Variants in ATG101 observed in about 807,000 individuals in gnomAD.
The protein encoded by ATG101 is autophagy-related protein 101.
Under a neutral mutation model 16.7 loss-of-function variants are expected in ATG101, and 6 were observed. The observed-to-expected ratio is 0.36, with a 90% CI of 0.20 to 0.71. ATG101 has a LOEUF of 0.71. ATG101 is among the 30% of genes least tolerant of loss of function. The probability of loss-of-function intolerance (pLI) is 0.57; values close to 1 mark genes in which losing one functional copy is unlikely to be tolerated. For synonymous variants in ATG101, 108 were observed against 118.1 expected, an observed-to-expected ratio of 0.91 and a Z score of 0.56; for missense variants, 200 against 292.5, an observed-to-expected ratio of 0.68 and a Z score of 2.31.
chr12:52,068,206 C>T (rs1351477697), upstream of ATG101, among the ~76,000 whole-genome samples: 1 of 149,170 alleles, frequency 6.7e-6, no homozygotes, highest in Non-Finnish European at 1.5e-5. Flanking sequence ...GACACCACAC[C>T]TGGCTTTTTT....
Position 52,073,809 on chromosome 12 carries a change from G to C in ATG101, c.159G>C (p.Gln53His), listed in dbSNP as rs1357665714. 6.2e-7 allele frequency: 1 copy of C among 1,614,240 alleles called. No homozygotes were observed. Among genetic ancestry groups the C allele is most frequent in the South Asian group, 1.1e-5 (1 of 91,088 alleles). The change falls in exon 3 of 4, where the codon CAG (glutamine) becomes CAC (histidine). Residue 53 changes from glutamine (Q) to histidine (H), a missense_variant. Physicochemically the swap from Gln to His is conservative, Grantham distance 24 (BLOSUM62 0). Coordinates refer to ENST00000336854, the MANE Select transcript of ATG101 (RefSeq NM_021934.5). ...ACTCCATTGGCACCGTGGGCACCCA[G>C]GATGTTGACTGTGACTTCATCGACT... is the stretch of plus-strand genomic sequence containing the variant. ...GTYSIGTVGT[Q>H]DVDCDFIDFT...
chr12:52,067,753 A>AT (rs60759494), upstream of ATG101, among the ~76,000 whole-genome samples: 8,372 of 140,626 alleles, frequency 0.06, 303 homozygotes, highest in South Asian at 0.072. Flanking sequence ...AAGCTTGGCT[A>AT]TTTTTTTTTT....
intron 3 of ATG101, among the ~76,000 whole-genome samples, chr12:52,076,452 G>A (rs1319855462): frequency 2.6e-5 from 4 of 152,182 alleles, no homozygotes; most frequent in Non-Finnish European, 4.4e-5. Context: ...TGGGGTTGTT[G>A]GGAGGAGCCA....
chr12:52,067,848 G>A (rs138678959), upstream of ATG101, among the ~76,000 whole-genome samples: 19 of 151,086 alleles, frequency 1.3e-4, no homozygotes, highest in East Asian at 2.9e-3. Context: ...CACCTGCCTC[G>A]GCCTCCCAAA....
At chr12:52,070,994 T>A (rs935668286) in intron 2 of ATG101, 2 of 152,202 alleles carry the variant, frequency 1.3e-5, no homozygotes, top group African/African-American at 4.8e-5. Context: ...TTGGGCTCAA[T>A]TGAGCAGTTG....
At position 52,077,464 on chromosome 12, in the gene ATG101, G is replaced by T; in HGVS notation, c.*274G>T. The T allele has an allele frequency of 2.2e-6, 1 of 445,390 alleles. No individual in the cohort carries two copies. Among genetic ancestry groups the T allele is most frequent in the Non-Finnish European group, 4.0e-6 (1 of 248,508 alleles). 27.6% of individuals were successfully genotyped at this position (445,390 alleles called of 1,614,324 possible). A position where few individuals can be genotyped will look rare whatever the true frequency, so the allele number is the denominator to read the frequency against. On this transcript the variant is annotated 3_prime_UTR_variant, in exon 4 of 4. Coordinates refer to ENST00000336854, the MANE Select transcript of ATG101 (RefSeq NM_021934.5). ...TACAGAAGAGCCACCACTGGGATGG[G>T]GAATAAAGTTGAGAACATGAGTTTG...
chr12:52,073,284 A>G (rs1182224818), intron 2 of ATG101, among the ~76,000 whole-genome samples: 1 of 152,232 alleles, frequency 6.6e-6, no homozygotes, highest in Admixed American at 6.5e-5. Flanking sequence ...GCCTGAGGGC[A>G]GGGGCCGTGC....
chr12:52,075,919 G>A lies in ATG101; in HGVS notation c.253-867G>A, dbSNP rs1230397346. ...TTGTGACCGTAATCCCAGCACTTTG[G>A]GAGGCTGAAGCAGGAGTATTGCTTG... On this transcript the variant is annotated intron_variant, in intron 3 of 3. Transcript: ENST00000336854. 4.6e-5 allele frequency among the ~76,000 whole-genome samples: 7 copies of A among 152,298 alleles called. No homozygotes were observed. In the South Asian group the frequency reaches 8.3e-4, roughly 18 times the overall value.
chr12:52,074,630 G>A (rs1939704615), intron 3 of ATG101, among the ~76,000 whole-genome samples: 1 of 151,888 alleles, frequency 6.6e-6, no homozygotes, highest in African/African-American at 2.4e-5. Flanking sequence ...GGGACCACAG[G>A]TGTACACCAC....
At chr12:52,068,990 CAAAA>C (rs869030833), upstream of ATG101, among the ~76,000 whole-genome samples, 1,861 of 32,626 alleles carry the variant, frequency 0.057, 3 homozygotes, top group East Asian at 0.083. Flanking sequence ...GACGCCGTCT[CAAAA>C]AAAAAAAAAA....
chr12:52,067,522 A>T (rs1939560852), upstream of ATG101, among the ~76,000 whole-genome samples: 1 of 151,934 alleles, frequency 6.6e-6, no homozygotes, highest in Non-Finnish European at 1.5e-5. Context: ...TTCGATTTGA[A>T]CTCAAGGCTC....
upstream of ATG101, among the ~76,000 whole-genome samples, chr12:52,067,046 C>T (rs1939558322): frequency 6.6e-6 from 1 of 152,182 alleles, no homozygotes; most frequent in South Asian, 2.1e-4. Context: ...GAGGCACCCA[C>T]ACCTGGGATA....
intron 3 of ATG101, 120 bp from the exon 4 acceptor site, chr12:52,076,666 T>C: frequency 8.2e-7 from 1 of 1,225,360 alleles, no homozygotes; most frequent in Non-Finnish European, 1.1e-6. Context: ...TCTTGTTTCC[T>C]TGCCATGCTT....
chr12:52,073,577 TGGCCCTTG>T lies in ATG101; in HGVS notation c.-71_-64del, dbSNP rs1939683369. 3 of 1,547,364 alleles carry T rather than the reference TGGCCCTTG, an allele frequency of 1.9e-6. No individual in the cohort carries two copies. ...TCTGACCTGGGCTCCTTTTGCAGGGTGGCCCTTGGGTAGGGTGAAGATCCCCTGTCTTT... is the reference window on the plus strand; with the variant it reads ...TCTGACCTGGGCTCCTTTTGCAGGGTGGTAGGGTGAAGATCCCCTGTCTTT... On this transcript the variant is annotated 5_prime_UTR_variant, in exon 3 of 4. Transcript: ENST00000336854.
chr12:52,069,807 G>C, upstream of ATG101: 1 of 152,226 alleles, frequency 6.6e-6, no homozygotes, highest in East Asian at 1.9e-4. Context: ...ACCACGAAAG[G>C]AGCAGCCCCC....
rs544233376 is a variant in ATG101 at position 52,070,471 on chromosome 12, C to T, written c.-89C>T. 6.5e-6 allele frequency: 1 copy of T among 152,812 alleles called. No homozygotes were observed. The highest frequency in any genetic ancestry group is 2.4e-5 in the African/African-American group (1 of 41,578). 9.5% of individuals were successfully genotyped at this position (152,812 alleles called of 1,614,324 possible). The stretch of plus-strand genomic sequence containing the variant: ...GAGCTTGAGGAATCCGTGCTCCAAA[C>T]TCTACACTCAAGGTGGGAATGGGCG... On this transcript the variant is annotated 5_prime_UTR_variant, in exon 2 of 4. Transcript: ENST00000336854.
At chr12:52,072,086 A>G (rs1260496928) in intron 2 of ATG101, among the ~76,000 whole-genome samples, 1 of 152,234 alleles carries the variant, frequency 6.6e-6, no homozygotes, top group Non-Finnish European at 1.5e-5. Flanking sequence ...GAATTATAGC[A>G]GCTAATACTT....
At chr12:52,075,342 G>A (rs763583184) in intron 3 of ATG101, among the ~76,000 whole-genome samples, 4 of 152,224 alleles carry the variant, frequency 2.6e-5, no homozygotes, top group East Asian at 1.9e-4. Flanking sequence ...GGGCTTTGGA[G>A]CTGGGGTCTG....
upstream of ATG101, chr12:52,069,795 T>A (rs928502061): frequency 6.6e-6 from 1 of 152,026 alleles, no homozygotes; most frequent in African/African-American, 2.4e-5. Flanking sequence ...ATCCGAGACA[T>A]AACCACGAAA....
Sources: allele counts gnomAD v4.1 joint callset (sites outside exome capture counted in the v4.1 genomes callset), GRCh38; gene constraint gnomAD v4.1.1; transcripts MANE v1.5; gene names NCBI Gene and HGNC (gene_info 2026-07-23, HGNC 2026-07-21).